GRID1: variants seen among roughly 807,000 people sequenced by gnomAD.
The protein encoded by GRID1 is glutamate ionotropic receptor delta type subunit 1.
In GRID1, 28 loss-of-function variants were observed where a neutral mutation model predicts 98.0. The observed-to-expected ratio is 0.29, with a 90% CI of 0.21 to 0.39. The LOEUF (loss-of-function observed/expected upper bound fraction) is 0.39, where lower values mean the gene tolerates loss of function less well. GRID1 is among the 10% of genes least tolerant of loss of function. GRID1 has a pLI of 1.00. For missense variants in GRID1, 1,111 were observed against 1,340.5 expected, an observed-to-expected ratio of 0.83 and a Z score of 2.67; for synonymous variants, 553 against 538.5, an observed-to-expected ratio of 1.03 and a Z score of -0.37.
intron 12 of GRID1, among the ~76,000 whole-genome samples, chr10:85,718,191 CTG>C (rs1269799997): frequency 6.6e-6 from 1 of 152,234 alleles, no homozygotes; most frequent in African/African-American, 2.4e-5. Context: ...AGTAGGGACT[CTG>C]TGTAGGGACT....
At chr10:85,866,667 G>A (rs752756954) in intron 6 of GRID1, among the ~76,000 whole-genome samples, 28 of 152,202 alleles carry the variant, frequency 1.8e-4, no homozygotes, top group Middle Eastern at 3.4e-3. Flanking sequence ...AATGCTTTCC[G>A]TATGTTCTCC....
rs572190418 is a variant in GRID1, at chr10:85,858,828, C to A, written c.952-2638G>T. Among the ~76,000 whole-genome samples the A allele has an allele frequency of 1.3e-4, 20 of 152,324 alleles. 1 individual carries two copies. The highest frequency in any genetic ancestry group is 4.6e-4 in the African/African-American group (19 of 41,570). ...ATCAGGGCAGAGTCCACAGCACCAG[C>A]GCATCTGTGGCTCTGACCAGAACCC... is the stretch of plus-strand genomic sequence containing the variant. On this transcript the variant is annotated intron_variant, in intron 6 of 15. Transcript: ENST00000327946.
rs1842723834 is a variant in GRID1, at chr10:85,994,998, T to C, written c.727-78759A>G. Among the ~76,000 whole-genome samples the C allele has an allele frequency of 3.3e-5, 5 of 152,238 alleles. No homozygotes were observed. In the South Asian group the frequency reaches 1.0e-3, roughly 32 times the overall value. ...ATAGACACTGTTTGCCTTCACATGC[T>C]TACTATAAATGTTTTTAAAGGCACA... On this transcript the variant is annotated intron_variant, in intron 4 of 15. Transcript: ENST00000327946.
At chr10:85,738,058 T>A (rs1841904548) in intron 8 of GRID1, among the ~76,000 whole-genome samples, 2 of 152,066 alleles carry the variant, frequency 1.3e-5, no homozygotes, top group Non-Finnish European at 2.9e-5. Flanking sequence ...CATCTACTCA[T>A]CAGCTCTTCT....
At position 86,206,536 on chromosome 10, in the gene GRID1, G is replaced by C. The variant is rs1180658622; in HGVS notation, c.348C>G (p.Val116=). Residue 116 remains valine (V), a synonymous_variant, in exon 3 of 16, where the codon GTC becomes GTG. Transcript: ENST00000327946. This position sits in a 1 kb window ranked among gnomAD's most constrained non-coding sequence, Gnocchi z 4.1. The part of the protein sequence containing the change: ...TDAMHIPHLF[V]QRNPGGSPRT... ...GTGGCGACCCTCCCGGGTTGCGCTG[G>C]ACAAAGAGGTGTGGGATGTGCATGG... 6.2e-7 allele frequency: 1 copy of C among 1,614,212 alleles called. No homozygotes were observed.
At chr10:86,173,792 T>C (rs1458608718) in intron 3 of GRID1, among the ~76,000 whole-genome samples, 1 of 146,892 alleles carries the variant, frequency 6.8e-6, no homozygotes, top group African/African-American at 2.5e-5. Flanking sequence ...GTTCTCATTG[T>C]TCAATTCCCA....
intron 3 of GRID1, among the ~76,000 whole-genome samples, chr10:86,159,658 A>G (rs1845292977): frequency 6.6e-6 from 1 of 152,248 alleles, no homozygotes. Flanking sequence ...TCTGTGCCAC[A>G]GGACACAGCT....
In GRID1 at chr10:85,776,135, G is replaced by A. The variant is rs139568913; in HGVS notation, c.1234-46521C>T. Reference sequence around the variant, plus strand: ...CCCAACCTAGGCACAACACCTCCACGTTCTTAACTACGATGCCCTTGCCTG... The same window carrying A: ...CCCAACCTAGGCACAACACCTCCACATTCTTAACTACGATGCCCTTGCCTG... On this transcript the variant is annotated intron_variant, in intron 8 of 15. Coordinates refer to ENST00000327946, the MANE Select transcript of GRID1 (RefSeq NM_017551.3). Among the ~76,000 whole-genome samples, 37 of 152,236 alleles carry A rather than the reference G, an allele frequency of 2.4e-4. No homozygotes were observed. In the East Asian group the frequency reaches 3.5e-3, roughly 14 times the overall value.
At chr10:85,707,805 C>A (rs1033781507) in intron 12 of GRID1, among the ~76,000 whole-genome samples, 1 of 152,084 alleles carries the variant, frequency 6.6e-6, no homozygotes, top group African/African-American at 2.4e-5. Flanking sequence ...GAGTTCATGT[C>A]CTTTGTAGGG....
intron 2 of GRID1, among the ~76,000 whole-genome samples, chr10:86,355,667 A>T (rs1042902816): frequency 1.3e-5 from 2 of 152,256 alleles, no homozygotes; most frequent in Non-Finnish European, 2.9e-5. Context: ...AACCGTGGCC[A>T]TCTGCCAGGA....
chr10:86,311,463 C>T (rs11594465), intron 2 of GRID1, among the ~76,000 whole-genome samples: 3,632 of 152,276 alleles, frequency 0.024, 72 homozygotes, highest in Non-Finnish European at 0.038. Context: ...ACAAAACTTG[C>T]CTCCACCAAA....
At chr10:85,717,200 A>C (rs1029093309) in intron 12 of GRID1, among the ~76,000 whole-genome samples, 3 of 152,222 alleles carry the variant, frequency 2.0e-5, no homozygotes, top group Non-Finnish European at 4.4e-5. Context: ...CGTAGTGCAC[A>C]TGCAAACGGT....
At chr10:85,712,034 G>A (rs1347829163) in intron 12 of GRID1, among the ~76,000 whole-genome samples, 2 of 151,236 alleles carry the variant, frequency 1.3e-5, no homozygotes, top group Non-Finnish European at 3.0e-5. Context: ...ATATATCAAG[G>A]GAGTTAAAAT....
At chr10:86,299,611 A>T (rs1160808754) in intron 2 of GRID1, among the ~76,000 whole-genome samples, 1 of 152,124 alleles carries the variant, frequency 6.6e-6, no homozygotes, top group African/African-American at 2.4e-5. Context: ...AGGGAATTGA[A>T]CAATGACAAC....
chr10:85,636,745 T>C (rs1271618774), intron 13 of GRID1, among the ~76,000 whole-genome samples: 8 of 152,138 alleles, frequency 5.3e-5, no homozygotes, highest in Non-Finnish European at 1.2e-4. Context: ...TGAAAAAAAA[T>C]CCACTGACAA....
chr10:85,706,759 C>A (rs1289045647), intron 12 of GRID1, among the ~76,000 whole-genome samples: 3 of 152,142 alleles, frequency 2.0e-5, no homozygotes. Context: ...GGTACCAAAA[C>A]AGAGATATAG....
At chr10:85,983,352 T>A (rs1842569062) in intron 4 of GRID1, among the ~76,000 whole-genome samples, 1 of 152,150 alleles carries the variant, frequency 6.6e-6, no homozygotes, top group Non-Finnish European at 1.5e-5. Context: ...ATGTGCAGAT[T>A]TATCTGGTGA....
intron 15 of GRID1, 125 bp from the exon 16 acceptor site, chr10:85,602,826 T>C: frequency 1.5e-6 from 1 of 652,122 alleles, no homozygotes; most frequent in Non-Finnish European, 2.6e-6. Flanking sequence ...CGAGTATCCC[T>C]TTCATGTGGC....
At chr10:85,936,049 T>C (rs1288018197) in intron 4 of GRID1, among the ~76,000 whole-genome samples, 3 of 152,068 alleles carry the variant, frequency 2.0e-5, no homozygotes, top group Admixed American at 6.6e-5. Flanking sequence ...CACAGACACA[T>C]ACACAGGTAT....
Sources: allele counts gnomAD v4.1 joint callset (sites outside exome capture counted in the v4.1 genomes callset), GRCh38; gene constraint gnomAD v4.1.1; non-coding constraint Gnocchi (gnomAD v3.1); transcripts MANE v1.5; gene names NCBI Gene and HGNC (gene_info 2026-07-23, HGNC 2026-07-21).